Variants in AMPH observed in about 807,000 individuals in gnomAD.
The protein encoded by AMPH is amphiphysin (Stiff-Mann syndrome with breast cancer 128kD autoantigen).
AMPH carries 49 observed loss-of-function variants against 99.1 expected under a neutral mutation model. The ratio of observed to expected loss-of-function variants is 0.49; its 90% CI spans 0.39 to 0.63. AMPH has a LOEUF of 0.63. Ranked by LOEUF, AMPH falls within the 20% of genes least tolerant of loss-of-function variation. AMPH has a pLI of 0.00. For missense variants in AMPH, 759 were observed against 863.4 expected (o/e 0.88, Z 1.52); for synonymous variants, 314 against 317.3 (o/e 0.99, Z 0.11).
At chr7:38,406,408 C>T (rs913454997) in intron 17 of AMPH, among the ~76,000 whole-genome samples, 8 of 151,868 alleles carry the variant, frequency 5.3e-5, no homozygotes, top group African/African-American at 9.7e-5. Flanking sequence ...AAAAATCTTA[C>T]GAAGGATCAA....
chr7:38,490,944 T>A lies in AMPH; in HGVS notation c.396+106A>T, dbSNP rs2129019922. 4.4e-6 allele frequency: 3 copies of A among 683,612 alleles called. No homozygotes were observed. The East Asian group carries it at 8.2e-5, about 19-fold the overall frequency. The allele number at this position is 683,612 out of a possible 1,614,324, so 42.3% of individuals were successfully genotyped here. A position where few individuals can be genotyped will look rare whatever the true frequency, so the allele number is the denominator to read the frequency against. ...TAAATAAATGAAAAGTTACCAACTA[T>A]CTTTGATGTCAGTTTGAGGACTTGT... is the stretch of plus-strand genomic sequence containing the variant. On this transcript the variant is annotated intron_variant, in intron 5 of 20. Coordinates refer to ENST00000356264, the MANE Select transcript of AMPH (RefSeq NM_001635.4).
intron 17 of AMPH, among the ~76,000 whole-genome samples, chr7:38,406,713 CCT>C (rs1215455086): frequency 1.8e-5 from 2 of 111,036 alleles, no homozygotes; most frequent in Non-Finnish European, 3.7e-5. Context: ...TCTCTCCTCT[CCT>C]CTCTCTCTCC....
intron 1 of AMPH, among the ~76,000 whole-genome samples, chr7:38,603,109 A>G (rs540921173): frequency 6.6e-6 from 1 of 152,182 alleles, no homozygotes; most frequent in Admixed American, 6.5e-5. Context: ...TGAGGTCAGG[A>G]GTTCAAGACC....
At chr7:38,487,129 GATACTA>G (rs1415098940) in intron 5 of AMPH, among the ~76,000 whole-genome samples, 1 of 152,114 alleles carries the variant, frequency 6.6e-6, no homozygotes, top group Non-Finnish European at 1.5e-5. Flanking sequence ...CCTGTTGGCA[GATACTA>G]TGAGGTTCTA....
At chr7:38,529,335 T>C (rs917478891) in intron 2 of AMPH, among the ~76,000 whole-genome samples, 1 of 152,336 alleles carries the variant, frequency 6.6e-6, no homozygotes, top group African/African-American at 2.4e-5. Flanking sequence ...TTGTAAAAAC[T>C]TGCATGAGTA....
chr7:38,631,127 G>A (rs1046210358), intron 1 of AMPH, among the ~76,000 whole-genome samples, 156 bp downstream of exon 1: 2 of 151,720 alleles, frequency 1.3e-5, no homozygotes, highest in African/African-American at 2.4e-5. Context: ...GGCAGTCACC[G>A]AGCTGAGGGC....
At chr7:38,568,591 A>T (rs1791830310) in intron 1 of AMPH, among the ~76,000 whole-genome samples, 1 of 152,250 alleles carries the variant, frequency 6.6e-6, no homozygotes, top group Non-Finnish European at 1.5e-5. Flanking sequence ...AAGAGGCATT[A>T]TTACGGTTAC....
At chr7:38,418,028 T>C in intron 16 of AMPH, 78 bp from the exon 17 acceptor site, 2 of 1,471,310 alleles carry the variant, frequency 1.4e-6, no homozygotes, top group Non-Finnish European at 1.8e-6. Context: ...ACTGGACAAT[T>C]AAGATTTTCT....
At chr7:38,391,333 T>C (rs1291092316) in intron 19 of AMPH, among the ~76,000 whole-genome samples, 2 of 152,214 alleles carry the variant, frequency 1.3e-5, no homozygotes, top group Non-Finnish European at 2.9e-5. Context: ...CCCTACTCTG[T>C]GTCATGCACC....
chr7:38,452,225 A>C (rs1347251617), intron 11 of AMPH, among the ~76,000 whole-genome samples: 1 of 152,226 alleles, frequency 6.6e-6, no homozygotes, highest in Non-Finnish European at 1.5e-5. Context: ...TAAAAATAGC[A>C]AGCTGGGGAC....
intron 2 of AMPH, among the ~76,000 whole-genome samples, chr7:38,517,238 A>AT (rs1789782247): frequency 6.6e-6 from 1 of 152,204 alleles, no homozygotes; most frequent in Admixed American, 6.5e-5. Context: ...TCCCCACTCA[A>AT]ATTTCATGTC....
chr7:38,498,703 C>A (rs1444498812), intron 3 of AMPH, among the ~76,000 whole-genome samples: 1 of 152,186 alleles, frequency 6.6e-6, no homozygotes, highest in Non-Finnish European at 1.5e-5. Context: ...GAATTCCACA[C>A]AATCACAATA....
At chr7:38,385,649 C>A (rs533270597) in intron 20 of AMPH, among the ~76,000 whole-genome samples, 1 of 152,286 alleles carries the variant, frequency 6.6e-6, no homozygotes, top group South Asian at 2.1e-4. Flanking sequence ...ATAAATTATT[C>A]CTCATAAACA....
chr7:38,565,669 C>T (rs1463894254), intron 1 of AMPH, among the ~76,000 whole-genome samples: 1 of 114,040 alleles, frequency 8.8e-6, no homozygotes, highest in Non-Finnish European at 1.6e-5. Flanking sequence ...AGGGTTTCAA[C>T]ATATGAATTT....
chr7:38,575,051 T>TA (rs3056279), intron 1 of AMPH, among the ~76,000 whole-genome samples: 1,254 of 105,246 alleles, frequency 0.012, 17 homozygotes, highest in African/African-American at 0.032. Context: ...AGACTCTGTC[T>TA]AAAAAAAAAA....
rs70977407 is a variant in AMPH, at chr7:38,467,640, A to ATGTGTGTGTGTGTGTGTG, written c.591-1410_591-1393dup. On this transcript the variant is annotated intron_variant, in intron 7 of 20. Transcript: ENST00000356264. ...CTCTATTTATACTTACAATGGAAATATGTGTGTGTGTGTGTGTGTGTGTGT... is the reference window on the plus strand; with the variant it reads ...CTCTATTTATACTTACAATGGAAATATGTGTGTGTGTGTGTGTGTGTGTGTGTGTGTGTGTGTGTGTGT... Among the ~76,000 whole-genome samples the ATGTGTGTGTGTGTGTGTG allele has an allele frequency of 2.3e-3, 341 of 148,838 alleles. 3 individuals are homozygous for ATGTGTGTGTGTGTGTGTG. Among genetic ancestry groups the ATGTGTGTGTGTGTGTGTG allele is most frequent in the African/African-American group, 8.1e-3 (326 of 40,302 alleles).
At chr7:38,454,284 T>C (rs1787146501) in intron 11 of AMPH, among the ~76,000 whole-genome samples, 2 of 152,162 alleles carry the variant, frequency 1.3e-5, no homozygotes, top group Admixed American at 1.3e-4. Flanking sequence ...CAATACACCA[T>C]CTCTGCTATT....
Position 38,394,320 on chromosome 7 carries a change from T to C in AMPH, c.1399-106A>G. Reference sequence around the variant, plus strand: ...TCCCCTCTGTGGAGGCTATTCAGATTTGGAACATTCTTTGCACTCCCAGGA... The same window carrying C: ...TCCCCTCTGTGGAGGCTATTCAGATCTGGAACATTCTTTGCACTCCCAGGA... On this transcript the variant is annotated intron_variant, in intron 17 of 20. Coordinates refer to ENST00000356264, the MANE Select transcript of AMPH (RefSeq NM_001635.4). 2.5e-6 allele frequency: 3 copies of C among 1,207,520 alleles called. No homozygotes were observed. The South Asian group carries it at 4.1e-5, about 17-fold the overall frequency. 74.8% of individuals were successfully genotyped at this position (1,207,520 alleles called of 1,614,324 possible). A position where few individuals can be genotyped will look rare whatever the true frequency, so the allele number is the denominator to read the frequency against.
At chr7:38,601,676 G>C (rs1793251726) in intron 1 of AMPH, among the ~76,000 whole-genome samples, 1 of 152,154 alleles carries the variant, frequency 6.6e-6, no homozygotes, top group Admixed American at 6.5e-5. Context: ...GTAATGGAAT[G>C]GAAAGACTAG....
Sources: allele counts gnomAD v4.1 joint callset (sites outside exome capture counted in the v4.1 genomes callset), GRCh38; gene constraint gnomAD v4.1.1; transcripts MANE v1.5; gene names NCBI Gene and HGNC (gene_info 2026-07-23, HGNC 2026-07-21).